The following ZNF705G variants were observed in gnomAD, a reference collection of about 807,000 sequenced individuals.
ZNF705G encodes the protein zinc finger protein 705G, also known as putative zinc finger protein 705G.
ZNF705G carries 23 observed loss-of-function variants against 19.6 expected under a neutral mutation model. That is an observed-to-expected ratio of 1.17 (90% CI 0.84 to 1.66). ZNF705G has a LOEUF of 1.66. ZNF705G is among the 40% of genes most tolerant of loss of function. ZNF705G has a pLI of 0.00. For synonymous variants in ZNF705G, 146 were observed against 117.7 expected (o/e 1.24, Z -1.56); for missense variants, 457 against 354.4 (o/e 1.29, Z -2.32).
chr8:7,365,201 C>A (rs567909521), intron 2 of ZNF705G, among the ~76,000 whole-genome samples: 1 of 149,404 alleles, frequency 6.7e-6, no homozygotes, highest in Non-Finnish European at 1.5e-5. Flanking sequence ...CATACACAAG[C>A]AATCTTTAGG....
intron 2 of ZNF705G, among the ~76,000 whole-genome samples, chr8:7,370,225 C>G (rs547207560): frequency 6.8e-6 from 1 of 147,184 alleles, no homozygotes; most frequent in Non-Finnish European, 1.5e-5. Context: ...AAGCCGAGAT[C>G]ACGCCACTGC....
chr8:7,383,132 T>C (rs1408539007), intron 1 of ZNF705G, among the ~76,000 whole-genome samples: 1 of 149,982 alleles, frequency 6.7e-6, no homozygotes, highest in Non-Finnish European at 1.5e-5. Flanking sequence ...TTGATTTTTT[T>C]TTTTTTTTTT....
intron 6 of ZNF705G, among the ~76,000 whole-genome samples, chr8:7,358,926 C>A (rs1355297233): frequency 6.7e-6 from 1 of 149,388 alleles, no homozygotes; most frequent in Non-Finnish European, 1.5e-5. Flanking sequence ...GCAGTCATCC[C>A]CAGTTCACCA....
chr8:7,369,922 A>T (rs1160142460), intron 2 of ZNF705G, among the ~76,000 whole-genome samples: 2 of 149,188 alleles, frequency 1.3e-5, no homozygotes, highest in African/African-American at 5.2e-5. Flanking sequence ...GGCCTGAAAA[A>T]CTATCTATTG....
At chr8:7,361,060 G>A in intron 4 of ZNF705G, 50 bp downstream of exon 4, 1 of 1,592,394 alleles carries the variant, frequency 6.3e-7, no homozygotes, top group Non-Finnish European at 8.5e-7. Flanking sequence ...CTTATTGAAT[G>A]AATGAGTGAA....
rs1412201408 is a variant in ZNF705G, at chr8:7,357,757, T to C, written c.*219A>G. The C allele has an allele frequency of 1.2e-6, 1 of 804,310 alleles. No homozygotes were observed. The highest frequency in any genetic ancestry group is 1.9e-6 in the Non-Finnish European group (1 of 533,998). The allele number at this position is 804,310 out of a possible 1,614,324, so 49.8% of individuals were successfully genotyped here. On this transcript the variant is annotated 3_prime_UTR_variant, in exon 7 of 7. Transcript: ENST00000400156. ...TCTTCAAAATGTGAGTCCTTTGGCATGTTTAGATGCTACAACTACAGCTGA... is the reference window on the plus strand; with the variant it reads ...TCTTCAAAATGTGAGTCCTTTGGCACGTTTAGATGCTACAACTACAGCTGA...
Position 7,368,271 on chromosome 8 carries a change from G to C in ZNF705G, c.-71-5254C>G, listed in dbSNP as rs567636925. 3.9e-3 allele frequency among the ~76,000 whole-genome samples: 583 copies of C among 149,398 alleles called. 57 individuals are homozygous for C. The highest frequency in any genetic ancestry group is 0.014 in the African/African-American group (544 of 38,888). ...TAAAGTTGGAAACCAAAGAGTTAAGGCTATTTTGAAGGAAAAATATGAACA... is the reference window on the plus strand; with the variant it reads ...TAAAGTTGGAAACCAAAGAGTTAAGCCTATTTTGAAGGAAAAATATGAACA... On this transcript the variant is annotated intron_variant, in intron 2 of 6. Coordinates refer to ENST00000400156, the MANE Select transcript of ZNF705G (RefSeq NM_001164457.3).
intron 2 of ZNF705G, among the ~76,000 whole-genome samples, chr8:7,370,549 T>A (rs1407208212): frequency 2.7e-5 from 4 of 147,294 alleles, no homozygotes; most frequent in East Asian, 1.9e-4. Flanking sequence ...TTCTCAAAAA[T>A]TTTTTAAATA....
At chr8:7,361,038 G>C in intron 4 of ZNF705G, 72 bp downstream of exon 4, 1 of 1,590,540 alleles carries the variant, frequency 6.3e-7, no homozygotes. Context: ...ATATGGGGAA[G>C]CTGTTTTAAC....
intron 2 of ZNF705G, among the ~76,000 whole-genome samples, chr8:7,369,888 G>C (rs1464029122): frequency 6.7e-6 from 1 of 149,118 alleles, no homozygotes; most frequent in Admixed American, 6.6e-5. Context: ...AACTACTAGA[G>C]GGGGAAGGGA....
chr8:7,375,143 G>C (rs1399125421), intron 2 of ZNF705G, among the ~76,000 whole-genome samples: 1 of 93,614 alleles, frequency 1.1e-5, no homozygotes, highest in Non-Finnish European at 2.1e-5. Flanking sequence ...CGCAGGTAGG[G>C]TGTGCCCAAA....
At chr8:7,369,150 G>A (rs1472984929) in intron 2 of ZNF705G, among the ~76,000 whole-genome samples, 1 of 149,390 alleles carries the variant, frequency 6.7e-6, no homozygotes, top group Non-Finnish European at 1.5e-5. Flanking sequence ...GGGAGAAACT[G>A]CCCCCATGAT....
In ZNF705G at chr8:7,369,912, G is replaced by A. The variant is rs1291501328; in HGVS notation, c.-71-6895C>T. Among the ~76,000 whole-genome samples the A allele has an allele frequency of 1.5e-4, 22 of 149,294 alleles. 2 individuals carry two copies. Among genetic ancestry groups the A allele is most frequent in the African/African-American group, 5.7e-4 (22 of 38,754 alleles). ...AGGGGGAAGGGAAGGTGGGGACAAA[G>A]GCCTGAAAAACTATCTATTGGGTAT... On this transcript the variant is annotated intron_variant, in intron 2 of 6. Transcript: ENST00000400156.
rs1806665530 is a variant in ZNF705G, at chr8:7,362,788, G to A, written c.12+147C>T. Reference sequence around the variant, plus strand: ...CCTGAAAGCCTCCTGATTGCATTTGGAACACCCAGGCAGGGTGGATTTTAC... The same window carrying A: ...CCTGAAAGCCTCCTGATTGCATTTGAAACACCCAGGCAGGGTGGATTTTAC... On this transcript the variant is annotated intron_variant, in intron 3 of 6. Coordinates refer to ENST00000400156, the MANE Select transcript of ZNF705G (RefSeq NM_001164457.3). 6.4e-6 allele frequency: 10 copies of A among 1,554,332 alleles called. No individual in the cohort carries two copies. In the South Asian group the frequency reaches 1.2e-4, roughly 18 times the overall value.
intron 2 of ZNF705G, among the ~76,000 whole-genome samples, chr8:7,370,124 A>C (rs1433530061): frequency 3.4e-5 from 5 of 148,538 alleles, no homozygotes; most frequent in Non-Finnish European, 7.4e-5. Context: ...ACAAAAAATT[A>C]GCTGGGCATG....
At position 7,357,645 on chromosome 8, in the gene ZNF705G, T is replaced by A. The variant is rs1178828853; in HGVS notation, c.*331A>T. 1 of 457,002 alleles carries A rather than the reference T, an allele frequency of 2.2e-6. No homozygotes were observed. Among genetic ancestry groups the A allele is most frequent in the East Asian group, 4.6e-5 (1 of 21,618 alleles). 28.3% of individuals were successfully genotyped at this position (457,002 alleles called of 1,614,324 possible). On this transcript the variant is annotated 3_prime_UTR_variant, in exon 7 of 7. Coordinates refer to ENST00000400156, the MANE Select transcript of ZNF705G (RefSeq NM_001164457.3). ...CTAACAAGTCTTTGGTACATACATG[T>A]CATACAATTTCTCTTCCATATGAAT... is the stretch of plus-strand genomic sequence containing the variant.
intron 2 of ZNF705G, among the ~76,000 whole-genome samples, chr8:7,376,880 A>AGTGTGTGT (rs71264895): frequency 7.0e-4 from 102 of 145,224 alleles, no homozygotes; most frequent in African/African-American, 2.7e-3. Context: ...ATATAGAGAG[A>AGTGTGTGT]GTGTGTGTGT....
chr8:7,358,452 G>T lies in ZNF705G; in HGVS notation c.427C>A (p.Pro143Thr), dbSNP rs755136633. The T allele has an allele frequency of 2.5e-6, 4 of 1,607,626 alleles. No individual in the cohort carries two copies. The highest frequency in any genetic ancestry group is 2.2e-5 in the East Asian group (1 of 44,864). ...QCLLTHSGKK[P>T]YVSKQCGKSL... Reference sequence around the variant, plus strand: ...TTTCCACACTGTTTGCTGACATAGGGTTTCTTTCCACTATGAGTTAACAAA... The same window carrying T: ...TTTCCACACTGTTTGCTGACATAGGTTTTCTTTCCACTATGAGTTAACAAA... Residue 143 changes from proline to threonine, a missense_variant, in exon 7 of 7, where the codon CCC becomes ACC. Coordinates refer to ENST00000400156, the MANE Select transcript of ZNF705G (RefSeq NM_001164457.3).
chr8:7,366,032 A>G (rs1806839965), intron 2 of ZNF705G, among the ~76,000 whole-genome samples: 2 of 149,638 alleles, frequency 1.3e-5, no homozygotes, highest in Non-Finnish European at 2.9e-5. Context: ...GTGCTAGGGA[A>G]ACAGCAGCTG....
Sources: allele counts gnomAD v4.1 joint callset (sites outside exome capture counted in the v4.1 genomes callset), GRCh38; gene constraint gnomAD v4.1.1; transcripts MANE v1.5; gene names NCBI Gene and HGNC (gene_info 2026-07-23, HGNC 2026-07-21).